The following FABP5 variants were observed in gnomAD, a reference collection of about 807,000 sequenced individuals.
FABP5 encodes the protein fatty acid binding protein 5, also known as fatty acid-binding protein 5.
A neutral mutation model predicts 16.9 loss-of-function variants in FABP5; 7 were observed. The ratio of observed to expected loss-of-function variants is 0.41; its 90% CI spans 0.24 to 0.78. The LOEUF is 0.78. Ranked by LOEUF, FABP5 falls within the 30% of genes least tolerant of loss-of-function variation. The pLI is 0.30. For synonymous variants in FABP5, 37 were observed against 52.8 expected, an observed-to-expected ratio of 0.70 and a Z score of 1.30; for missense variants, 119 against 159.5, an observed-to-expected ratio of 0.75 and a Z score of 1.37.
In FABP5 at chr8:81,280,592, C is replaced by T. The variant is rs961810757; in HGVS notation, c.-4C>T. On this transcript the variant is annotated 5_prime_UTR_variant, in exon 1 of 4. Transcript: ENST00000297258. ...CTCTGCACGCCAGCCCGCCCGCACC[C>T]ACCATGGCCACAGTTCAGCAGCTGG... The T allele has an allele frequency of 6.4e-6, 10 of 1,553,870 alleles. No homozygotes were observed. Among genetic ancestry groups the T allele is most frequent in the Non-Finnish European group, 7.8e-6 (9 of 1,147,872 alleles).
chr8:81,283,749 A>G (rs552585328), intron 2 of FABP5, 124 bp from the exon 3 acceptor site: 16 of 948,128 alleles, frequency 1.7e-5, no homozygotes, highest in Admixed American at 1.4e-4. Context: ...AATAAAATCA[A>G]TATGGGTTAA....
At position 81,283,461 on chromosome 8, in the gene FABP5, A is replaced by C; in HGVS notation, c.175A>C (p.Thr59Pro). Reference sequence around the variant, plus strand: ...AAACCTCACCATAAAAACTGAGAGCACTTTGAAAACAACACAGTTTTCTTG... The same window carrying C: ...AAACCTCACCATAAAAACTGAGAGCCCTTTGAAAACAACACAGTTTTCTTG... ...GKNLTIKTES[T>P]LKTTQFSCTL... is the part of the protein sequence containing the mutation. Residue 59 changes from threonine (T) to proline (P), a missense_variant, in exon 2 of 4, where the codon ACT (threonine) becomes CCT (proline). Coordinates refer to ENST00000297258, the MANE Select transcript of FABP5 (RefSeq NM_001444.3). 6.2e-7 allele frequency: 1 copy of C among 1,612,992 alleles called. No homozygotes were observed. Among genetic ancestry groups the C allele is most frequent in the Non-Finnish European group, 8.5e-7 (1 of 1,179,364 alleles).
chr8:81,281,035 A>C lies in FABP5; in HGVS notation c.79+361A>C. On this transcript the variant is annotated intron_variant, in intron 1 of 3. Transcript: ENST00000297258. The surrounding 1 kb of genome is among the most constrained non-coding windows in gnomAD (Gnocchi z 4.5). ...GTCACCTCACGCTGCACTTCTTTCGACCCCCTCCAGGCGACCCTGTATTTC... is the reference window on the plus strand; with the variant it reads ...GTCACCTCACGCTGCACTTCTTTCGCCCCCCTCCAGGCGACCCTGTATTTC... 2.9e-5 allele frequency: 6 copies of C among 209,840 alleles called. No individual in the cohort carries two copies. Among genetic ancestry groups the C allele is most frequent in the South Asian group, 2.0e-4 (2 of 9,860 alleles). The allele number at this position is 209,840 out of a possible 1,614,324, so 13.0% of individuals were successfully genotyped here.
chr8:81,280,812 A>C, intron 1 of FABP5, 138 bp downstream of exon 1: 56 of 710,992 alleles, frequency 7.9e-5, no homozygotes, highest in East Asian at 1.3e-4. Flanking sequence ...CTTCCCCACC[A>C]CGCGGCCGTT....
At position 81,280,689 on chromosome 8, in the gene FABP5, C is replaced by T. The variant is rs1807811082; in HGVS notation, c.79+15C>T. 3 of 1,551,466 alleles carry T rather than the reference C, an allele frequency of 1.9e-6. No individual in the cohort carries two copies. Among genetic ancestry groups the T allele is most frequent in the Admixed American group, 2.0e-5 (1 of 51,070 alleles). ...GAAGGAGCTAGGTGAGGCACCCGGC[C>T]TGGCAGCGCCTGCAACGTGGCGTGT... On this transcript the variant is annotated intron_variant, in intron 1 of 3. Transcript: ENST00000297258.
rs146180668 is a variant in FABP5 at position 81,281,030 on chromosome 8, T to C, written c.79+356T>C. 5.2e-5 allele frequency: 12 copies of C among 230,094 alleles called. No homozygotes were observed. Among genetic ancestry groups the C allele is most frequent in the Non-Finnish European group, 9.4e-5 (11 of 116,834 alleles). The allele number at this position is 230,094 out of a possible 1,614,324, so 14.3% of individuals were successfully genotyped here. A position where few individuals can be genotyped will look rare whatever the true frequency, so the allele number is the denominator to read the frequency against. ...CACCCGTCACCTCACGCTGCACTTC[T>C]TTCGACCCCCTCCAGGCGACCCTGT... On this transcript the variant is annotated intron_variant, in intron 1 of 3. Transcript: ENST00000297258. This position sits in a 1 kb window ranked among gnomAD's most constrained non-coding sequence, Gnocchi z 4.5.
chr8:81,284,239 G>A (rs1292348673), intron 3 of FABP5: 2 of 538,564 alleles, frequency 3.7e-6, no homozygotes, highest in Non-Finnish European at 3.3e-6. Context: ...CCACCAAACT[G>A]CACACATTTT....
rs1253593286 is a variant in FABP5 at position 81,283,875 on chromosome 8, T to C, written c.255T>C (p.Thr85=). The C allele has an allele frequency of 1.2e-6, 2 of 1,609,844 alleles. No individual in the cohort carries two copies. The highest frequency in any genetic ancestry group is 1.7e-6 in the Non-Finnish European group (2 of 1,177,468). ...ETTADGRKTQ[T]VCNFTDGALV... ...AAACGTTTACTTTGTTTTTGCAGACTGTCTGCAACTTTACAGATGGTGCAT... is the reference window on the plus strand; with the variant it reads ...AAACGTTTACTTTGTTTTTGCAGACCGTCTGCAACTTTACAGATGGTGCAT... The change falls in exon 3 of 4, where the codon ACT becomes ACC. Residue 85 remains threonine (T), a splice_region_variant and synonymous_variant. Coordinates refer to ENST00000297258, the MANE Select transcript of FABP5 (RefSeq NM_001444.3).
chr8:81,281,265 G>A lies in FABP5; in HGVS notation c.79+591G>A. ...AGAAATCCTGTGGAGGGGTCTGAGT[G>A]GCGCTACAGCTTCAGCTTGCATTCC... On this transcript the variant is annotated intron_variant, in intron 1 of 3. Transcript: ENST00000297258. This position sits in a 1 kb window ranked among gnomAD's most constrained non-coding sequence, Gnocchi z 4.5. 1 of 850,100 alleles carries A rather than the reference G, an allele frequency of 1.2e-6. No individual in the cohort carries two copies. Among genetic ancestry groups the A allele is most frequent in the Non-Finnish European group, 1.4e-6 (1 of 706,048 alleles). 52.7% of individuals were successfully genotyped at this position (850,100 alleles called of 1,614,324 possible). A position where few individuals can be genotyped will look rare whatever the true frequency, so the allele number is the denominator to read the frequency against.
chr8:81,280,772 G>A (rs945174452), intron 1 of FABP5, 98 bp downstream of exon 1: 8 of 1,168,550 alleles, frequency 6.8e-6, no homozygotes, highest in Non-Finnish European at 9.9e-6. Flanking sequence ...GGCAGGAGAT[G>A]CTCGGCGGCC....
At chr8:81,282,167 AGTGTGTGT>A (rs10700115) in intron 1 of FABP5, among the ~76,000 whole-genome samples, 207 of 147,692 alleles carry the variant, frequency 1.4e-3, no homozygotes, top group Non-Finnish European at 2.5e-3. Context: ...AATAAATAAC[AGTGTGTGT>A]GTGTGTGTGT....
At chr8:81,283,274 C>A in intron 1 of FABP5, 92 bp from the exon 2 acceptor site, 2 of 1,093,070 alleles carry the variant, frequency 1.8e-6, no homozygotes, top group Non-Finnish European at 2.6e-6. Flanking sequence ...GAAAATATGC[C>A]GCACAAAGTG....
chr8:81,281,286 A>G lies in FABP5; in HGVS notation c.79+612A>G, dbSNP rs1807826384. ...GAGTGGCGCTACAGCTTCAGCTTGC[A>G]TTCCTCTGTCAGCCCCGTCTCCCCC... is the stretch of plus-strand genomic sequence containing the variant. On this transcript the variant is annotated intron_variant, in intron 1 of 3. Coordinates refer to ENST00000297258, the MANE Select transcript of FABP5 (RefSeq NM_001444.3). This position sits in a 1 kb window ranked among gnomAD's most constrained non-coding sequence, Gnocchi z 4.5. 1.1e-6 allele frequency: 1 copy of G among 935,118 alleles called. No homozygotes were observed. The highest frequency in any genetic ancestry group is 1.3e-6 in the Non-Finnish European group (1 of 784,072). The allele number at this position is 935,118 out of a possible 1,614,324, so 57.9% of individuals were successfully genotyped here. A position where few individuals can be genotyped will look rare whatever the true frequency, so the allele number is the denominator to read the frequency against.
At position 81,284,629 on chromosome 8, in the gene FABP5, G is replaced by A. The variant is rs1366774782; in HGVS notation, c.*62G>A. On this transcript the variant is annotated 3_prime_UTR_variant, in exon 4 of 4. Coordinates refer to ENST00000297258, the MANE Select transcript of FABP5 (RefSeq NM_001444.3). ...AGAATGACCAAGCTCAGTTCAATGAGCAAATCTCCATACTGTTTCTTTCTT... is the reference window on the plus strand; with the variant it reads ...AGAATGACCAAGCTCAGTTCAATGAACAAATCTCCATACTGTTTCTTTCTT... 9.0e-6 allele frequency: 8 copies of A among 890,134 alleles called. No individual in the cohort carries two copies. Among genetic ancestry groups the A allele is most frequent in the South Asian group, 2.8e-5 (2 of 70,566 alleles). The allele number at this position is 890,134 out of a possible 1,614,324, so 55.1% of individuals were successfully genotyped here.
Position 81,283,920 on chromosome 8 carries a change from G to C in FABP5, c.300G>C (p.Trp100Cys), listed in dbSNP as rs142936320. Residue 100 changes from tryptophan to cysteine, a missense_variant, in exon 3 of 4, where the codon TGG becomes TGC. Physicochemically the swap from Trp to Cys is radical, Grantham distance 215. Transcript: ENST00000297258. ...GTGCATTGGTTCAGCATCAGGAGTG[G>C]GATGGGAAGGAAAGCACAATAACAA... Reference protein sequence around the residue: ...TDGALVQHQEWDGKESTITRK... With the variant: ...TDGALVQHQECDGKESTITRK... The C allele has an allele frequency of 1.1e-4, 175 of 1,612,764 alleles. 1 individual carries two copies. In the African/African-American group the frequency reaches 2.2e-3, roughly 20 times the overall value.
intron 2 of FABP5, 114 bp from the exon 3 acceptor site, chr8:81,283,759 A>G (rs1433949107): frequency 1.0e-6 from 1 of 994,748 alleles, no homozygotes; most frequent in Non-Finnish European, 1.5e-6. Flanking sequence ...ATATGGGTTA[A>G]TGAAGTAGAC....
rs761097135 is a variant in FABP5 at position 81,280,574 on chromosome 8, C to A, written c.-22C>A. 9.0e-6 allele frequency: 14 copies of A among 1,549,704 alleles called. No individual in the cohort carries two copies. The highest frequency in any genetic ancestry group is 1.2e-5 in the South Asian group (1 of 83,890). On this transcript the variant is annotated 5_prime_UTR_variant, in exon 1 of 4. Coordinates refer to ENST00000297258, the MANE Select transcript of FABP5 (RefSeq NM_001444.3). Reference sequence around the variant, plus strand: ...ACGCCGACGCAGACCCCTCTCTGCACGCCAGCCCGCCCGCACCCACCATGG... The same window carrying A: ...ACGCCGACGCAGACCCCTCTCTGCAAGCCAGCCCGCCCGCACCCACCATGG...
In FABP5 at chr8:81,283,549, A is replaced by T; in HGVS notation, c.252+11A>T. 6.2e-7 allele frequency: 1 copy of T among 1,603,102 alleles called. No individual in the cohort carries two copies. Among genetic ancestry groups the T allele is most frequent in the Non-Finnish European group, 8.5e-7 (1 of 1,176,300 alleles). On this transcript the variant is annotated intron_variant, in intron 2 of 3. Coordinates refer to ENST00000297258, the MANE Select transcript of FABP5 (RefSeq NM_001444.3). ...GGCAGAAAAACTCAGGTCAGTCGTG[A>T]CATGTTATGAAATCACAGAAGCTTC...
At position 81,283,932 on chromosome 8, in the gene FABP5, A is replaced by T; in HGVS notation, c.312A>T (p.Glu104Asp). The T allele has an allele frequency of 1.9e-6, 3 of 1,612,412 alleles. No homozygotes were observed. Among genetic ancestry groups the T allele is most frequent in the Non-Finnish European group, 2.5e-6 (3 of 1,179,216 alleles). ...LVQHQEWDGK[E>D]STITRKLKDG... ...AGCATCAGGAGTGGGATGGGAAGGA[A>T]AGCACAATAACAAGAAAATTGAAAG... is the stretch of plus-strand genomic sequence containing the variant. Residue 104 changes from glutamate to aspartate, a missense_variant, in exon 3 of 4, where the codon GAA becomes GAT. Glu to Asp is a conservative substitution (Grantham distance 45, BLOSUM62 2). Coordinates refer to ENST00000297258, the MANE Select transcript of FABP5 (RefSeq NM_001444.3).
Sources: allele counts gnomAD v4.1 joint callset (sites outside exome capture counted in the v4.1 genomes callset), GRCh38; gene constraint gnomAD v4.1.1; non-coding constraint Gnocchi (gnomAD v3.1); transcripts MANE v1.5; gene names NCBI Gene and HGNC (gene_info 2026-07-23, HGNC 2026-07-21).